The following MARCHF1 variants were observed in gnomAD, a reference collection of about 807,000 sequenced individuals.
MARCHF1 encodes E3 ubiquitin-protein ligase MARCHF1.
Under a neutral mutation model 54.2 loss-of-function variants are expected in MARCHF1, and 40 were observed. The observed-to-expected ratio is 0.74, with a 90% CI of 0.57 to 0.96. MARCHF1 has a LOEUF of 0.96. Among genes scored for constraint, MARCHF1 ranks in the 40% least tolerant of loss-of-function variants. The pLI is 0.00. For missense variants in MARCHF1, 586 were observed against 656.5 expected (o/e 0.89, Z 1.17); for synonymous variants, 236 against 236.3 (o/e 1.00, Z 0.01).
rs528689784 is a variant in MARCHF1, at chr4:163,906,221, C to T, written c.-38-52052G>A. Among the ~76,000 whole-genome samples, 6 of 152,108 alleles carry T rather than the reference C, an allele frequency of 3.9e-5. No homozygotes were observed. In the South Asian group the frequency reaches 8.3e-4, roughly 21 times the overall value. On this transcript the variant is annotated intron_variant, in intron 3 of 9. Transcript: ENST00000514618. ...ATTTCTTGTTGATTACTGGCTTTTA[C>T]TCAATTCCTCCCATTTTTCTCTGCT...
intron 3 of MARCHF1, among the ~76,000 whole-genome samples, chr4:163,869,057 C>A (rs75307967): frequency 1.5e-3 from 220 of 151,494 alleles, no homozygotes; most frequent in African/African-American, 4.9e-3. Flanking sequence ...CGCATAAACC[C>A]TCAAACAATA....
At chr4:163,680,517 A>C (rs1301826031) in intron 5 of MARCHF1, among the ~76,000 whole-genome samples, 3 of 152,192 alleles carry the variant, frequency 2.0e-5, no homozygotes, top group African/African-American at 7.2e-5. Flanking sequence ...TCCCTGGAAC[A>C]CCAGCTCTTG....
At chr4:164,341,385 C>T (rs1729924744) in intron 1 of MARCHF1, among the ~76,000 whole-genome samples, 1 of 151,770 alleles carries the variant, frequency 6.6e-6, no homozygotes, top group Non-Finnish European at 1.5e-5. Context: ...TTCAACATGG[C>T]ACTAGAAGTC....
intron 1 of MARCHF1, among the ~76,000 whole-genome samples, chr4:164,360,108 G>A (rs763182469): frequency 3.3e-5 from 5 of 152,002 alleles, no homozygotes; most frequent in Admixed American, 6.6e-5. Flanking sequence ...TTGTCCTTGT[G>A]TAATCGTTAA....
At chr4:164,162,183 G>C (rs1208251183) in intron 1 of MARCHF1, among the ~76,000 whole-genome samples, 1 of 151,992 alleles carries the variant, frequency 6.6e-6, no homozygotes, top group Admixed American at 6.6e-5. Flanking sequence ...TAAAAACACA[G>C]AGTAAAATAA....
intron 1 of MARCHF1, among the ~76,000 whole-genome samples, chr4:164,254,408 TAATA>T (rs1191878535): frequency 6.6e-6 from 1 of 150,806 alleles, no homozygotes; most frequent in African/African-American, 2.4e-5. Flanking sequence ...AGTTAATACT[TAATA>T]AACTCCTATA....
At chr4:163,831,032 T>C (rs1034150015) in intron 4 of MARCHF1, among the ~76,000 whole-genome samples, 1 of 152,174 alleles carries the variant, frequency 6.6e-6, no homozygotes, top group African/African-American at 2.4e-5. Flanking sequence ...TTCTCAGAGT[T>C]AATACTTTCC....
At chr4:164,349,496 CT>C in intron 1 of MARCHF1, among the ~76,000 whole-genome samples, 1 of 152,080 alleles carries the variant, frequency 6.6e-6, no homozygotes, top group Non-Finnish European at 1.5e-5. Flanking sequence ...GCTGGTGGTA[CT>C]TTTTTCTAAT....
intron 5 of MARCHF1, among the ~76,000 whole-genome samples, chr4:163,648,937 A>T (rs1742863782): frequency 6.6e-6 from 1 of 151,206 alleles, no homozygotes; most frequent in African/African-American, 2.4e-5. Context: ...AAAAAACCTT[A>T]CAGGAGCAAG....
intron 3 of MARCHF1, among the ~76,000 whole-genome samples, chr4:163,941,834 A>G (rs1751918761): frequency 6.6e-6 from 1 of 152,196 alleles, no homozygotes; most frequent in South Asian, 2.1e-4. Flanking sequence ...TGCTATAAAA[A>G]TGTTTTAAAA....
At chr4:163,953,344 C>A (rs543174292) in intron 3 of MARCHF1, among the ~76,000 whole-genome samples, 8 of 152,040 alleles carry the variant, frequency 5.3e-5, no homozygotes, top group Non-Finnish European at 7.4e-5. Flanking sequence ...TTTGAAAAGT[C>A]ATTTAAGGCT....
intron 3 of MARCHF1, among the ~76,000 whole-genome samples, chr4:163,870,437 T>C (rs1018815621): frequency 1.3e-5 from 2 of 152,068 alleles, no homozygotes; most frequent in African/African-American, 4.8e-5. Context: ...TTCTGTTTGG[T>C]TTGTTGGCAT....
chr4:164,091,937 AT>A (rs1401151709), intron 2 of MARCHF1, among the ~76,000 whole-genome samples: 2 of 151,440 alleles, frequency 1.3e-5, no homozygotes, highest in African/African-American at 4.8e-5. Context: ...GAGGATCCCA[AT>A]AATTAGGTTA....
chr4:163,572,417 CCTT>C (rs1739871901), intron 8 of MARCHF1, among the ~76,000 whole-genome samples: 1 of 151,506 alleles, frequency 6.6e-6, no homozygotes, highest in Admixed American at 6.6e-5. Flanking sequence ...CTACCAGTCT[CCTT>C]GTTTTACAGA....
intron 3 of MARCHF1, among the ~76,000 whole-genome samples, chr4:163,859,037 A>T (rs1749848581): frequency 6.6e-6 from 1 of 152,176 alleles, no homozygotes; most frequent in African/African-American, 2.4e-5. Context: ...AGAGCAACTG[A>T]AATAGAATCC....
In MARCHF1 at chr4:163,571,585, C is replaced by G. The variant is rs1042132091; in HGVS notation, c.1191+14164G>C. Among the ~76,000 whole-genome samples, 7 of 152,106 alleles carry G rather than the reference C, an allele frequency of 4.6e-5. No individual in the cohort carries two copies. In the South Asian group the frequency reaches 8.3e-4, roughly 18 times the overall value. ...TCATTTCCTAGACACAGAAAAGGATCTAGCTCCAAAATTTGTTAACTTTGT... is the reference window on the plus strand; with the variant it reads ...TCATTTCCTAGACACAGAAAAGGATGTAGCTCCAAAATTTGTTAACTTTGT... On this transcript the variant is annotated intron_variant, in intron 8 of 9. Transcript: ENST00000514618.
intron 5 of MARCHF1, among the ~76,000 whole-genome samples, chr4:163,666,771 A>G (rs542027084): frequency 6.6e-6 from 1 of 152,090 alleles, no homozygotes; most frequent in African/African-American, 2.4e-5. Context: ...CCTGTTTCTA[A>G]CCACAGTTAT....
At chr4:163,978,323 G>A (rs967683635) in intron 3 of MARCHF1, among the ~76,000 whole-genome samples, 2 of 152,042 alleles carry the variant, frequency 1.3e-5, no homozygotes, top group Non-Finnish European at 2.9e-5. Flanking sequence ...ATTAATTAAT[G>A]AGCCATATTC....
intron 4 of MARCHF1, among the ~76,000 whole-genome samples, chr4:163,770,179 A>G (rs1160959878): frequency 6.6e-6 from 1 of 152,162 alleles, no homozygotes; most frequent in Non-Finnish European, 1.5e-5. Context: ...ACAATAGGCT[A>G]TTGGTAGGGC....
Sources: allele counts gnomAD v4.1 joint callset (sites outside exome capture counted in the v4.1 genomes callset), GRCh38; gene constraint gnomAD v4.1.1; transcripts MANE v1.5; gene names NCBI Gene and HGNC (gene_info 2026-07-23, HGNC 2026-07-21).